CAST: variants seen among roughly 807,000 people sequenced by gnomAD.
CAST encodes the protein MIR583 host.
CAST carries 76 observed loss-of-function variants against 119.6 expected under a neutral mutation model. The ratio of observed to expected loss-of-function variants is 0.64; its 90% CI spans 0.53 to 0.77. CAST has a LOEUF of 0.77. CAST is among the 30% of genes least tolerant of loss of function. The pLI, the probability that CAST is intolerant of heterozygous loss-of-function variation, is 0.00. For missense variants in CAST, 953 were observed against 946.5 expected (o/e 1.01, Z -0.09); for synonymous variants, 319 against 331.6 (o/e 0.96, Z 0.41).
the CAST span, among the ~76,000 whole-genome samples, chr5:96,044,840 A>T: frequency 6.6e-6 from 1 of 152,178 alleles, no homozygotes; most frequent in Non-Finnish European, 1.5e-5. Flanking sequence ...GTTGTGTGCT[A>T]CACAGATGAA....
chr5:95,991,346 ATTG>A, the CAST span, among the ~76,000 whole-genome samples: 2 of 152,110 alleles, frequency 1.3e-5, no homozygotes, highest in Non-Finnish European at 2.9e-5. Context: ...CTTAGCACAG[ATTG>A]TTATGATGAC....
At chr5:96,473,641 AC>A in the CAST span, among the ~76,000 whole-genome samples, 7 of 152,154 alleles carry the variant, frequency 4.6e-5, no homozygotes, top group African/African-American at 1.7e-4. Context: ...ATATCGGGAA[AC>A]CAATAGCATC....
intron 2 of CAST, among the ~76,000 whole-genome samples, chr5:96,683,876 C>T (rs1029449955): frequency 1.3e-5 from 2 of 152,152 alleles, no homozygotes; most frequent in Non-Finnish European, 2.9e-5. Flanking sequence ...AGTTTGAATT[C>T]TGAGAGAAAT....
At chr5:96,160,762 A>C in the CAST span, among the ~76,000 whole-genome samples, 7 of 152,200 alleles carry the variant, frequency 4.6e-5, no homozygotes, top group African/African-American at 1.7e-4. Flanking sequence ...CCATATCTTC[A>C]TTAACACTTA....
At chr5:96,228,740 T>C in the CAST span, among the ~76,000 whole-genome samples, 1 of 152,230 alleles carries the variant, frequency 6.6e-6, no homozygotes, top group Admixed American at 6.5e-5. Context: ...TGTGTCAGCA[T>C]GCTTACAAAG....
At chr5:96,363,743 G>A in the CAST span, among the ~76,000 whole-genome samples, 2 of 152,114 alleles carry the variant, frequency 1.3e-5, no homozygotes, top group East Asian at 1.9e-4. Flanking sequence ...GGGCTAAGAC[G>A]GTGGGGTTTT....
the CAST span, among the ~76,000 whole-genome samples, chr5:96,252,438 A>G: frequency 6.6e-6 from 1 of 152,076 alleles, no homozygotes; most frequent in East Asian, 1.9e-4. Flanking sequence ...CCCTCACAAA[A>G]CTTACGACTA....
chr5:96,470,790 G>A, the CAST span, among the ~76,000 whole-genome samples: 80 of 152,136 alleles, frequency 5.3e-4, no homozygotes, highest in Admixed American at 1.0e-3. Flanking sequence ...TATATTAGTA[G>A]TCTGCTTAGG....
rs1748110666 is a variant in CAST at position 96,652,854 on chromosome 5, G to T, written c.61-22685G>T. Among the ~76,000 whole-genome samples the T allele has an allele frequency of 4.6e-5, 7 of 152,270 alleles. No homozygotes were observed. In the South Asian group the frequency reaches 1.5e-3, roughly 32 times the overall value. ...GCTGACTACTGCATACTTCAGAAGG[G>T]GCACAGACTGCACGGGAACCATAAT... On this transcript the variant is annotated intron_variant, in intron 1 of 11. Coordinates refer to the CAST transcript ENST00000505143.
At chr5:96,372,817 C>T in the CAST span, among the ~76,000 whole-genome samples, 23 of 152,254 alleles carry the variant, frequency 1.5e-4, no homozygotes, top group African/African-American at 5.3e-4. Flanking sequence ...CAGCAGGAGC[C>T]ACCATCAATG....
the CAST span, among the ~76,000 whole-genome samples, chr5:96,317,778 G>A: frequency 1.3e-5 from 2 of 152,108 alleles, no homozygotes; most frequent in African/African-American, 4.8e-5. Flanking sequence ...CTTAACTGAG[G>A]TGGGCCCCTT....
chr5:96,229,245 A>T, the CAST span, among the ~76,000 whole-genome samples: 1 of 150,716 alleles, frequency 6.6e-6, no homozygotes, highest in Non-Finnish European at 1.5e-5. Context: ...ACTTTTAGTT[A>T]GTTATGTGAA....
the CAST span, among the ~76,000 whole-genome samples, chr5:96,048,135 G>A: frequency 6.6e-6 from 1 of 152,306 alleles, no homozygotes; most frequent in Non-Finnish European, 1.5e-5. Context: ...GAATATTTAA[G>A]TGCTCAGTTT....
chr5:96,472,371 C>T, the CAST span, among the ~76,000 whole-genome samples: 1 of 152,134 alleles, frequency 6.6e-6, no homozygotes, highest in South Asian at 2.1e-4. Flanking sequence ...CCAGTGTCAG[C>T]TCTTTGGGGG....
the CAST span, chr5:96,398,942 A>G: frequency 1.2e-6 from 2 of 1,613,168 alleles, no homozygotes; most frequent in Middle Eastern, 1.7e-4. Context: ...GTTGCTTCAA[A>G]TTGTACATGC....
At chr5:96,761,474 T>C (rs1767932993) in intron 24 of CAST, 2 of 152,192 alleles carry the variant, frequency 1.3e-5, no homozygotes, top group South Asian at 4.1e-4. Flanking sequence ...CATGCTGAAA[T>C]GAATTTCTGA....
chr5:96,443,559 T>G, the CAST span, among the ~76,000 whole-genome samples: 3 of 152,240 alleles, frequency 2.0e-5, no homozygotes, highest in African/African-American at 7.2e-5. Flanking sequence ...AAGTATATGT[T>G]TTGTAATCAC....
At chr5:96,461,848 A>C in the CAST span, among the ~76,000 whole-genome samples, 3 of 152,170 alleles carry the variant, frequency 2.0e-5, no homozygotes, top group Non-Finnish European at 2.9e-5. Flanking sequence ...GCTGATGTAC[A>C]TCAAGTGATT....
intron 2 of CAST, among the ~76,000 whole-genome samples, chr5:96,690,918 T>C (rs74508127): frequency 0.055 from 8,319 of 152,324 alleles, 567 homozygotes; most frequent in East Asian, 0.21. Context: ...AAAACTTACA[T>C]ATTTTAATGA....
Sources: gnomAD v4.1 joint callset for allele counts (sites outside exome capture counted in the v4.1 genomes callset) on GRCh38, gnomAD v4.1.1 for gene constraint, MANE v1.5 for transcripts, NCBI Gene and HGNC (gene_info 2026-07-23, HGNC 2026-07-21) for gene names.